The following LAMA2 variants were observed in gnomAD, a reference collection of about 807,000 sequenced individuals.
LAMA2 encodes laminin subunit alpha 2.
Under a neutral mutation model 364.8 loss-of-function variants are expected in LAMA2, and 269 were observed. The ratio of observed to expected loss-of-function variants is 0.74; its 90% confidence interval spans 0.67 to 0.82. The LOEUF is 0.82. Ranked by LOEUF, LAMA2 falls within the 40% of genes least tolerant of loss-of-function variation. The pLI, the probability that LAMA2 is intolerant of heterozygous loss-of-function variation, is 0.00. For synonymous variants in LAMA2, 1,379 were observed against 1,370.6 expected, an observed-to-expected ratio of 1.01 and a Z score of -0.14; for missense variants, 3,807 against 3,873.2, an observed-to-expected ratio of 0.98 and a Z score of 0.45.
intron 45 of LAMA2, among the ~76,000 whole-genome samples, chr6:129,447,300 T>C (rs976730013): frequency 6.6e-6 from 1 of 152,156 alleles, no homozygotes; most frequent in African/African-American, 2.4e-5. Context: ...AACAATCACC[T>C]CTAGTAGGGC....
chr6:128,943,303 G>GAA (rs1447914761), intron 1 of LAMA2, among the ~76,000 whole-genome samples: 6 of 136,986 alleles, frequency 4.4e-5, no homozygotes, highest in African/African-American at 1.3e-4. Context: ...GAGAGAGAGA[G>GAA]AGAGTCAGTC....
At chr6:129,216,305 T>C (rs1236978565) in intron 12 of LAMA2, among the ~76,000 whole-genome samples, 2 of 152,230 alleles carry the variant, frequency 1.3e-5, no homozygotes, top group Non-Finnish European at 2.9e-5. Flanking sequence ...ATGCCTTTCA[T>C]ACATTAGAGC....
intron 1 of LAMA2, among the ~76,000 whole-genome samples, chr6:129,048,526 TTCCTTCCTTCCTTC>T (rs1562187918): frequency 1.2e-4 from 6 of 48,336 alleles, no homozygotes; most frequent in Non-Finnish European, 2.3e-4. Context: ...CCTTCCTTCC[TTCCTTCCTTCCTTC>T]CTTTCTTTCT....
intron 1 of LAMA2, among the ~76,000 whole-genome samples, chr6:129,041,305 TAAGTCA>T (rs960090267): frequency 3.3e-5 from 5 of 152,220 alleles, no homozygotes; most frequent in Admixed American, 6.5e-5. Context: ...AACATGATTC[TAAGTCA>T]AAGTTCTTCA....
At chr6:129,345,959 G>T (rs1049505333) in intron 30 of LAMA2, among the ~76,000 whole-genome samples, 1 of 152,152 alleles carries the variant, frequency 6.6e-6, no homozygotes, top group African/African-American at 2.4e-5. Context: ...AGATTCTGAG[G>T]AATAGATGGA....
rs1778505841 is a variant in LAMA2 at position 129,147,127 on chromosome 6, G to A, written c.909+79G>A. ...TTTCATGACAGTCTTTGCTGACAGA[G>A]AACGCTGTAAATGGGAGTCAGGTCC... On this transcript the variant is annotated intron_variant, in intron 6 of 64. Transcript: ENST00000421865. 4.3e-6 allele frequency: 4 copies of A among 937,798 alleles called. No individual in the cohort carries two copies. The Admixed American group carries it at 6.8e-5, about 16-fold the overall frequency. 58.1% of individuals were successfully genotyped at this position (937,798 alleles called of 1,614,324 possible).
At chr6:129,150,655 C>CT in intron 7 of LAMA2, among the ~76,000 whole-genome samples, 1 of 152,300 alleles carries the variant, frequency 6.6e-6, no homozygotes, top group Non-Finnish European at 1.5e-5. Flanking sequence ...TTGTGAAACA[C>CT]TTTTTTTCTT....
intron 1 of LAMA2, among the ~76,000 whole-genome samples, chr6:128,971,788 A>G (rs1782203285): frequency 6.6e-6 from 1 of 152,202 alleles, no homozygotes; most frequent in African/African-American, 2.4e-5. Context: ...GTACCCCTTA[A>G]GGAACAGGAT....
chr6:129,389,300 T>C (rs1189873418), intron 35 of LAMA2, among the ~76,000 whole-genome samples: 1 of 152,230 alleles, frequency 6.6e-6, no homozygotes, highest in Non-Finnish European at 1.5e-5. Context: ...GCTGCTATAA[T>C]GAAAATATCA....
At chr6:129,507,184 A>G (rs543375267) in intron 61 of LAMA2, among the ~76,000 whole-genome samples, 102 of 152,138 alleles carry the variant, frequency 6.7e-4, no homozygotes, top group African/African-American at 2.3e-3. Context: ...ATTAAAACTT[A>G]TGATACCAAC....
chr6:128,913,001 C>T (rs1778085256), intron 1 of LAMA2, among the ~76,000 whole-genome samples: 1 of 151,934 alleles, frequency 6.6e-6, no homozygotes, highest in South Asian at 2.1e-4. Flanking sequence ...TGGGAGAACA[C>T]AGGATTAAGG....
In LAMA2 at chr6:129,009,390, A is replaced by AT. The variant is rs199852761; in HGVS notation, c.113-40519dup. Among the ~76,000 whole-genome samples, 29 of 151,450 alleles carry AT rather than the reference A, an allele frequency of 1.9e-4. 1 individual carries two copies. Among genetic ancestry groups the AT allele is most frequent in the South Asian group, 1.9e-3 (9 of 4,784 alleles). On this transcript the variant is annotated intron_variant, in intron 1 of 64. Transcript: ENST00000421865. ...GCTTCAAAATTTTGGCAAATGTTGC[A>AT]TTTTTTTTTCCAATTAGGATAAGTA...
At chr6:129,055,683 T>C (rs1020050784) in intron 2 of LAMA2, among the ~76,000 whole-genome samples, 9 of 152,214 alleles carry the variant, frequency 5.9e-5, no homozygotes, top group African/African-American at 2.2e-4. Flanking sequence ...AGAATAAATA[T>C]GGAAGGTCCG....
At chr6:129,366,132 CA>C in intron 32 of LAMA2, 86 bp from the exon 33 acceptor site, 1 of 1,374,826 alleles carries the variant, frequency 7.3e-7, no homozygotes, top group Non-Finnish European at 1.0e-6. Flanking sequence ...ATTCTTGGAC[CA>C]TAAAATATTT....
intron 58 of LAMA2, among the ~76,000 whole-genome samples, chr6:129,499,604 A>C (rs2114878897): frequency 6.6e-6 from 1 of 152,326 alleles, no homozygotes; most frequent in African/African-American, 2.4e-5. Context: ...GAAGGAAAAA[A>C]GAAGCTTGAG....
chr6:129,286,187 T>C (rs1789104044), intron 18 of LAMA2, among the ~76,000 whole-genome samples: 1 of 152,060 alleles, frequency 6.6e-6, no homozygotes, highest in Non-Finnish European at 1.5e-5. Flanking sequence ...ACTGAGGAAA[T>C]TATATTCTCC....
chr6:129,114,320 A>G (rs1211688072), intron 4 of LAMA2, among the ~76,000 whole-genome samples: 2 of 152,066 alleles, frequency 1.3e-5, no homozygotes, highest in East Asian at 1.9e-4. Flanking sequence ...TCTGAAAAAT[A>G]CTGTCACTAC....
chr6:129,024,678 G>A (rs1431489029), intron 1 of LAMA2, among the ~76,000 whole-genome samples: 1 of 152,064 alleles, frequency 6.6e-6, no homozygotes, highest in East Asian at 1.9e-4. Context: ...TTACAGGCAT[G>A]AGCCACCGTG....
chr6:129,122,180 T>G (rs1776838730), intron 4 of LAMA2, among the ~76,000 whole-genome samples: 1 of 152,236 alleles, frequency 6.6e-6, no homozygotes, highest in South Asian at 2.1e-4. Context: ...TACCATTGCT[T>G]TATAAATTAT....
Sources: allele counts gnomAD v4.1 joint callset (sites outside exome capture counted in the v4.1 genomes callset), GRCh38; gene constraint gnomAD v4.1.1; transcripts MANE v1.5; gene names NCBI Gene and HGNC (gene_info 2026-07-23, HGNC 2026-07-21).